DZIP1L: variants seen among roughly 807,000 people sequenced by gnomAD.
DZIP1L encodes the protein cilium assembly protein DZIP1L.
DZIP1L carries 90 observed loss-of-function variants against 88.7 expected under a neutral mutation model. That is an observed-to-expected ratio of 1.02 (90% CI 0.86 to 1.21). The LOEUF (loss-of-function observed/expected upper bound fraction) is 1.21. Among genes scored for constraint, DZIP1L ranks in the 50% most tolerant of loss-of-function variants. The probability of loss-of-function intolerance (pLI) is 0.00; values close to 1 mark genes in which losing one functional copy is unlikely to be tolerated. For synonymous variants in DZIP1L, 363 were observed against 372.1 expected (o/e 0.98, Z 0.28); for missense variants, 932 against 955.8 (o/e 0.98, Z 0.33).
At chr3:138,102,144 C>T (rs560997711) in intron 2 of DZIP1L, 111 of 1,384,274 alleles carry the variant, frequency 8.0e-5, no homozygotes, top group Non-Finnish European at 3.3e-5. Context: ...AGCGATGATG[C>T]TGTCCATGTC....
At position 138,077,618 on chromosome 3, in the gene DZIP1L, G is replaced by A; in HGVS notation, c.1303C>T (p.Gln435Ter). 6.2e-7 allele frequency: 1 copy of A among 1,614,094 alleles called. No individual in the cohort carries two copies. The highest frequency in any genetic ancestry group is 8.5e-7 in the Non-Finnish European group (1 of 1,180,016). The change falls in exon 11 of 16, where the codon CAG (glutamine) becomes TAG (stop). Residue 435 changes from glutamine to a stop codon, truncating the protein, a stop_gained. Transcript: ENST00000327532. LOFTEE classifies it high-confidence loss of function. ...GCCAGCACCTTGTGCTGTTCATCCT[G>A]GGAGTCCTCCATCTCTGTAGCATGA... is the stretch of plus-strand genomic sequence containing the variant. ...DSPEEEMEDS[Q>*]DEQHKVLAAL...
At chr3:138,087,996 C>T (rs144268921) in intron 6 of DZIP1L, among the ~76,000 whole-genome samples, 1 of 152,274 alleles carries the variant, frequency 6.6e-6, no homozygotes, top group African/African-American at 2.4e-5. Flanking sequence ...CAAATTAAAG[C>T]TTTTTTAATT....
At chr3:138,077,401 C>T (rs562379924) in intron 11 of DZIP1L, 98 bp downstream of exon 11, 20 of 1,546,212 alleles carry the variant, frequency 1.3e-5, no homozygotes, top group Admixed American at 7.2e-5. Context: ...GATGAATGAG[C>T]TCACAATGCA....
chr3:138,084,026 T>C, intron 8 of DZIP1L, 87 bp downstream of exon 8: 4 of 1,546,336 alleles, frequency 2.6e-6, no homozygotes, highest in Non-Finnish European at 3.5e-6. Context: ...AGACTAGCAC[T>C]GATGAGCCCA....
At chr3:138,069,327 C>T (rs568825751) in intron 12 of DZIP1L, among the ~76,000 whole-genome samples, 1 of 152,198 alleles carries the variant, frequency 6.6e-6, no homozygotes, top group Non-Finnish European at 1.5e-5. Flanking sequence ...ATATAACATA[C>T]AAAATGTGTG....
intron 5 of DZIP1L, chr3:138,089,212 A>G (rs1424861518): frequency 2.0e-6 from 2 of 985,252 alleles, no homozygotes; most frequent in Non-Finnish European, 2.4e-6. Flanking sequence ...TCTTGCTAAC[A>G]CTTCTCAACT....
chr3:138,090,941 T>G (rs1944190858), intron 5 of DZIP1L, among the ~76,000 whole-genome samples: 1 of 151,470 alleles, frequency 6.6e-6, no homozygotes, highest in African/African-American at 2.4e-5. Flanking sequence ...AGGGGTGCAG[T>G]GGCGTGATCT....
rs140378925 is a variant in DZIP1L at position 138,087,018 on chromosome 3, C to T, written c.1005G>A (p.Thr335=). 80 of 1,613,910 alleles carry T rather than the reference C, an allele frequency of 5.0e-5. No individual in the cohort carries two copies. In the African/African-American group the frequency reaches 7.5e-4, roughly 15 times the overall value. Residue 335 remains threonine, a synonymous_variant, in exon 7 of 16, where the codon ACG becomes ACA. Coordinates refer to ENST00000327532, the MANE Select transcript of DZIP1L (RefSeq NM_173543.3). ...GTTCCTTCACTTTTCTTTTCCACTCCGTTTTCTGAAAAAGATTAAAAGCTT... is the reference window on the plus strand; with the variant it reads ...GTTCCTTCACTTTTCTTTTCCACTCTGTTTTCTGAAAAAGATTAAAAGCTT... ...ALREKTEIQK[T]EWKRKVKELH... is the part of the protein sequence containing the mutation.
intron 2 of DZIP1L, chr3:138,102,492 G>T: frequency 7.4e-7 from 1 of 1,349,526 alleles, no homozygotes. Context: ...TGTTGATGTA[G>T]CTCTGAACAT....
chr3:138,072,917 G>A lies in DZIP1L; in HGVS notation c.1423-1082C>T, dbSNP rs534161860. On this transcript the variant is annotated intron_variant, in intron 11 of 15. Coordinates refer to ENST00000327532, the MANE Select transcript of DZIP1L (RefSeq NM_173543.3). ...GCCAGATTTCCCCCACTTCCCTGGCGACCTGTATGACTCAGCAGAGGCAGC... is the reference window on the plus strand; with the variant it reads ...GCCAGATTTCCCCCACTTCCCTGGCAACCTGTATGACTCAGCAGAGGCAGC... Among the ~76,000 whole-genome samples the A allele has an allele frequency of 3.0e-4, 46 of 152,234 alleles. No homozygotes were observed. The South Asian group carries it at 9.1e-3, about 30-fold the overall frequency.
intron 1 of DZIP1L, among the ~76,000 whole-genome samples, chr3:138,109,418 T>C (rs982923543): frequency 6.6e-6 from 1 of 152,184 alleles, no homozygotes; most frequent in Non-Finnish European, 1.5e-5. Flanking sequence ...ATGCTGCCTC[T>C]TGGTATAGAT....
intron 3 of DZIP1L, 141 bp downstream of exon 3, chr3:138,097,622 T>C: frequency 1.3e-6 from 1 of 742,066 alleles, no homozygotes; most frequent in Non-Finnish European, 2.2e-6. Flanking sequence ...CGGTGGTGGA[T>C]GGTGGGATCA....
chr3:138,069,084 C>T, intron 12 of DZIP1L: 1 of 1,050,356 alleles, frequency 9.5e-7, no homozygotes, highest in Non-Finnish European at 1.3e-6. Context: ...GCCATGGGTC[C>T]ACTTATACGT....
intron 1 of DZIP1L, among the ~76,000 whole-genome samples, chr3:138,109,330 TAAA>T (rs570908652): frequency 2.7e-3 from 418 of 152,236 alleles, no homozygotes; most frequent in African/African-American, 8.9e-3. Flanking sequence ...CACAGAGAAA[TAAA>T]GAAGCTTGCC....
At chr3:138,106,132 T>C (rs928918568) in intron 1 of DZIP1L, among the ~76,000 whole-genome samples, 2 of 130,532 alleles carry the variant, frequency 1.5e-5, no homozygotes, top group African/African-American at 5.8e-5. Context: ...TCTTTCTTTT[T>C]TTTTTTTTTT....
At chr3:138,110,498 T>C (rs2042600143) in intron 1 of DZIP1L, among the ~76,000 whole-genome samples, 1 of 152,080 alleles carries the variant, frequency 6.6e-6, no homozygotes, top group Non-Finnish European at 1.5e-5. Context: ...AAATAAATGA[T>C]TATCACCATA....
At chr3:138,101,284 T>C (rs1398551330) in intron 2 of DZIP1L, among the ~76,000 whole-genome samples, 1 of 149,260 alleles carries the variant, frequency 6.7e-6, no homozygotes, top group African/African-American at 2.5e-5. Flanking sequence ...AAAAAAGCAA[T>C]TGAATTGTTT....
In DZIP1L at chr3:138,067,451, T is replaced by C. The variant is rs114220892; in HGVS notation, c.2002+80A>G. ...AAGCCTAAAGGAAGCTAAAGGGTGT[T>C]TCTGGAGCCTTGAGAAATCTGGGCT... On this transcript the variant is annotated intron_variant, in intron 14 of 15. Coordinates refer to ENST00000327532, the MANE Select transcript of DZIP1L (RefSeq NM_173543.3). 6.0e-4 allele frequency: 880 copies of C among 1,473,170 alleles called. 5 individuals carry two copies. In the African/African-American group the frequency reaches 0.011, roughly 18 times the overall value. The allele number at this position is 1,473,170 out of a possible 1,614,324, so 91.3% of individuals were successfully genotyped here.
chr3:138,094,677 C>A (rs945442364), intron 4 of DZIP1L, among the ~76,000 whole-genome samples, 185 bp downstream of exon 4: 1 of 152,246 alleles, frequency 6.6e-6, no homozygotes, highest in Non-Finnish European at 1.5e-5. Flanking sequence ...CTGGCAAAAA[C>A]AATTCAATTT....
Sources: gnomAD v4.1 joint callset for allele counts (sites outside exome capture counted in the v4.1 genomes callset) on GRCh38, gnomAD v4.1.1 for gene constraint, MANE v1.5 for transcripts, NCBI Gene and HGNC (gene_info 2026-07-23, HGNC 2026-07-21) for gene names.